The following PCDHGB3 variants were observed in gnomAD, a reference collection of about 807,000 sequenced individuals.
PCDHGB3 encodes protocadherin gamma-B3.
A neutral mutation model predicts 59.2 loss-of-function variants in PCDHGB3; 40 were observed. That is an observed-to-expected ratio of 0.68 (90% CI 0.52 to 0.88). PCDHGB3 has a LOEUF of 0.88. Ranked by LOEUF, PCDHGB3 falls within the 40% of genes least tolerant of loss-of-function variation. PCDHGB3 has a pLI of 0.00. For missense variants in PCDHGB3, 1,309 were observed against 1,187.9 expected (o/e 1.10, Z -1.50); for synonymous variants, 581 against 503.6 (o/e 1.15, Z -2.06).
rs188117490 is a variant in PCDHGB3 at position 141,507,256 on chromosome 5, C to G, written c.2563+1775C>G. 3 of 152,178 alleles carry G rather than the reference C, an allele frequency of 2.0e-5. No individual in the cohort carries two copies. In the East Asian group the frequency reaches 5.8e-4, roughly 29 times the overall value. The allele number at this position is 152,178 out of a possible 1,614,324, so 9.4% of individuals were successfully genotyped here. ...CAGTTACAGTTGAATGTCAGATAAA[C>G]AGCAAGTACTATTTCAGCATAAGTC... On this transcript the variant is annotated intron_variant, in intron 3 of 3. Coordinates refer to ENST00000576222, the MANE Select transcript of PCDHGB3 (RefSeq NM_018924.5).
chr5:141,484,960 C>A, intron 1 of PCDHGB3: 1 of 577,142 alleles, frequency 1.7e-6, no homozygotes, highest in Non-Finnish European at 3.1e-6. Flanking sequence ...TTGGCTGAGC[C>A]CGGGAGCCGC....
chr5:141,396,882 G>C (rs2093447309), intron 1 of PCDHGB3, among the ~76,000 whole-genome samples: 3 of 152,208 alleles, frequency 2.0e-5, no homozygotes, highest in African/African-American at 7.2e-5. Flanking sequence ...GCACATTTGA[G>C]AGGACAACAT....
Position 141,489,465 on chromosome 5 carries a change from T to C in PCDHGB3, c.2416-5342T>C. On this transcript the variant is annotated intron_variant, in intron 1 of 3. Transcript: ENST00000576222. The surrounding 1 kb of genome is among the most constrained non-coding windows in gnomAD (Gnocchi z 4.5). The stretch of plus-strand genomic sequence containing the variant: ...GCTCTGAGGAGAATGGGCGCTATTT[T>C]TCCCTGAGCTTGATGAGTGGTGCCC... The C allele has an allele frequency of 1.2e-6, 2 of 1,614,082 alleles. No homozygotes were observed. The highest frequency in any genetic ancestry group is 1.3e-5 in the African/African-American group (1 of 75,042).
chr5:141,409,990 C>A (rs377295503), intron 1 of PCDHGB3: 26 of 1,613,278 alleles, frequency 1.6e-5, no homozygotes, highest in Non-Finnish European at 2.2e-5. Flanking sequence ...CGGTGGACGC[C>A]GACTCGGGAC....
rs1370186119 is a variant in PCDHGB3 at position 141,371,369 on chromosome 5, A to C, written c.975A>C (p.Gly325=). The change falls in exon 1 of 4, where the codon GGA becomes GGC. Residue 325 remains glycine, a synonymous_variant. Coordinates refer to ENST00000576222, the MANE Select transcript of PCDHGB3 (RefSeq NM_018924.5). The part of the protein sequence containing the change: ...YTIGVEAKDG[G]HHTAYCKVQI... ...TTGGGGTGGAAGCAAAGGATGGTGG[A>C]CATCACACTGCATATTGTAAAGTAC... 1.9e-6 allele frequency: 3 copies of C among 1,614,014 alleles called. No individual in the cohort carries two copies. The highest frequency in any genetic ancestry group is 2.5e-6 in the Non-Finnish European group (3 of 1,179,892).
rs772683388 is a variant in PCDHGB3 at position 141,371,226 on chromosome 5, A to C, written c.832A>C (p.Ile278Leu). ...GGATGAGGGCATCAATGCCGAAATC[A>C]TCTATGCCTTCATCAATATTGGCAA... ...DMDEGINAEI[I>L]YAFINIGKEV... Residue 278 changes from isoleucine (I) to leucine (L), a missense_variant, in exon 1 of 4, where the codon ATC (isoleucine) becomes CTC (leucine). By Grantham distance (5) the Ile-to-Leu change is conservative (BLOSUM62 2). Coordinates refer to ENST00000576222, the MANE Select transcript of PCDHGB3 (RefSeq NM_018924.5). 1.2e-5 allele frequency: 19 copies of C among 1,613,954 alleles called. No homozygotes were observed. The highest frequency in any genetic ancestry group is 1.6e-5 in the Non-Finnish European group (19 of 1,179,912).
At chr5:141,478,454 A>G (rs766350066) in intron 1 of PCDHGB3, 4 of 1,613,596 alleles carry the variant, frequency 2.5e-6, no homozygotes, top group Non-Finnish European at 3.4e-6. Context: ...TGGTGCAGCC[A>G]GTCCACTGGC....
chr5:141,404,787 G>A (rs1561696267), intron 1 of PCDHGB3: 23 of 1,613,988 alleles, frequency 1.4e-5, no homozygotes, highest in Non-Finnish European at 1.9e-5. Context: ...TTCAAGGCCA[G>A]TGAGCCAGGG....
At chr5:141,479,241 G>T (rs2099490987) in intron 1 of PCDHGB3, 1 of 152,174 alleles carries the variant, frequency 6.6e-6, no homozygotes, top group Admixed American at 6.5e-5. Context: ...CAAACCCAAA[G>T]ATAACCATTT....
intron 1 of PCDHGB3, among the ~76,000 whole-genome samples, chr5:141,457,440 A>C (rs188608086): frequency 1.3e-5 from 2 of 152,334 alleles, no homozygotes; most frequent in African/African-American, 4.8e-5. Flanking sequence ...ACCAAGCTGC[A>C]GAAGATCACC....
chr5:141,443,788 A>C (rs1468852602), intron 1 of PCDHGB3, among the ~76,000 whole-genome samples: 2 of 152,224 alleles, frequency 1.3e-5, no homozygotes, highest in African/African-American at 4.8e-5. Context: ...AGACAAAAAA[A>C]ATGAAAAGGA....
intron 1 of PCDHGB3, chr5:141,415,098 G>T (rs578221269): frequency 1.9e-5 from 31 of 1,613,588 alleles, no homozygotes; most frequent in African/African-American, 1.7e-4. Flanking sequence ...ACAGAGACGC[G>T]CTCAAGCAAA....
intron 1 of PCDHGB3, chr5:141,378,251 G>A (rs780385993): frequency 6.6e-6 from 1 of 152,234 alleles, no homozygotes; most frequent in Non-Finnish European, 1.5e-5. Flanking sequence ...ATGGCCGGGT[G>A]CGGTGGCTCA....
chr5:141,433,939 A>T (rs1015984226), intron 1 of PCDHGB3, among the ~76,000 whole-genome samples: 2 of 151,714 alleles, frequency 1.3e-5, no homozygotes, highest in Non-Finnish European at 2.9e-5. Context: ...TTATAATTCC[A>T]TTGTTTCTTC....
intron 1 of PCDHGB3, among the ~76,000 whole-genome samples, chr5:141,483,203 A>G (rs940487337): frequency 6.6e-6 from 1 of 152,204 alleles, no homozygotes; most frequent in Admixed American, 6.5e-5. Flanking sequence ...ATTTTATTCC[A>G]TATAGATGAC....
intron 1 of PCDHGB3, among the ~76,000 whole-genome samples, chr5:141,471,791 A>C (rs904614629): frequency 1.3e-5 from 2 of 152,238 alleles, no homozygotes; most frequent in Admixed American, 1.3e-4. Context: ...ATGCTATGTC[A>C]TATAAAAGAC....
intron 1 of PCDHGB3, among the ~76,000 whole-genome samples, chr5:141,470,528 G>A (rs1446688992): frequency 6.6e-6 from 1 of 152,140 alleles, no homozygotes; most frequent in East Asian, 1.9e-4. Context: ...ATTAAAATAT[G>A]TATCAGGTAA....
intron 1 of PCDHGB3, chr5:141,402,972 G>A (rs758148844): frequency 6.2e-7 from 1 of 1,608,316 alleles, no homozygotes; most frequent in Non-Finnish European, 8.5e-7. Context: ...CCAACCAAAT[G>A]CCAGCTCCGC....
At chr5:141,420,521 C>A in intron 1 of PCDHGB3, 1 of 378,418 alleles carries the variant, frequency 2.6e-6, no homozygotes, top group Non-Finnish European at 4.4e-6. Context: ...AGTAAAATAC[C>A]TTTCGGTTAA....
Sources: gnomAD v4.1 joint callset for allele counts (sites outside exome capture counted in the v4.1 genomes callset) on GRCh38, gnomAD v4.1.1 for gene constraint, Gnocchi (gnomAD v3.1) non-coding constraint, MANE v1.5 for transcripts, NCBI Gene and HGNC (gene_info 2026-07-23, HGNC 2026-07-21) for gene names.